The following RBPJ variants were observed in gnomAD, a reference collection of about 807,000 sequenced individuals.
The protein encoded by RBPJ is recombination signal binding protein for immunoglobulin kappa J region.
Under a neutral mutation model 67.8 loss-of-function variants are expected in RBPJ, and 9 were observed. The ratio of observed to expected loss-of-function variants is 0.13; its 90% CI spans 0.08 to 0.23. RBPJ has a LOEUF of 0.23. RBPJ is among the 10% of genes least tolerant of loss of function. The pLI, the probability that RBPJ is intolerant of heterozygous loss-of-function variation, is 1.00. For missense variants in RBPJ, 305 were observed against 595.6 expected (o/e 0.51, Z 5.08); for synonymous variants, 198 against 203.3 (o/e 0.97, Z 0.22).
At chr4:26,134,350 G>C in the RBPJ span, among the ~76,000 whole-genome samples, 1 of 152,132 alleles carries the variant, frequency 6.6e-6, no homozygotes, top group Admixed American at 6.5e-5. Flanking sequence ...GGAAGCTCTT[G>C]TTCAAAAGCT....
At chr4:26,417,135 A>G (rs1377965638) in intron 4 of RBPJ, among the ~76,000 whole-genome samples, 1 of 152,186 alleles carries the variant, frequency 6.6e-6, no homozygotes, top group Non-Finnish European at 1.5e-5. Flanking sequence ...GACATTCAGT[A>G]CTATGAATGA....
chr4:26,421,919 T>C (rs1735178276), intron 5 of RBPJ, among the ~76,000 whole-genome samples: 1 of 152,200 alleles, frequency 6.6e-6, no homozygotes, highest in Non-Finnish European at 1.5e-5. Flanking sequence ...TTGTTTTGTT[T>C]TACAGTGGTT....
intron 2 of RBPJ, among the ~76,000 whole-genome samples, chr4:26,394,318 C>T (rs147098771): frequency 9.9e-5 from 15 of 152,222 alleles, no homozygotes; most frequent in African/African-American, 3.6e-4. Context: ...TGAGCCACCA[C>T]GCCCAGCCTG....
intron 1 of RBPJ, among the ~76,000 whole-genome samples, chr4:26,379,282 C>G (rs2109592059): frequency 6.6e-6 from 1 of 152,022 alleles, no homozygotes; most frequent in East Asian, 1.9e-4. Flanking sequence ...TGGGCTCAAG[C>G]AATCCTCCCG....
intron 3 of RBPJ, among the ~76,000 whole-genome samples, chr4:26,408,079 C>T (rs116377659): frequency 7.1e-4 from 107 of 151,430 alleles, no homozygotes; most frequent in African/African-American, 2.3e-3. Context: ...TTCACTATGC[C>T]GTCCAGGCTG....
At chr4:26,376,271 A>G (rs191170429) in intron 1 of RBPJ, among the ~76,000 whole-genome samples, 1 of 152,314 alleles carries the variant, frequency 6.6e-6, no homozygotes, top group Admixed American at 6.5e-5. Flanking sequence ...TGCTCATTTA[A>G]CAATAACTCT....
chr4:26,246,824 G>A (rs1277887094), intron 1 of RBPJ, among the ~76,000 whole-genome samples: 2 of 152,066 alleles, frequency 1.3e-5, no homozygotes, highest in Non-Finnish European at 2.9e-5. Context: ...AACAGCTCAG[G>A]GCAGCTGAAA....
rs796962775 is a variant in RBPJ at position 26,343,773 on chromosome 4, G to A, written c.20+22725G>A. The stretch of plus-strand genomic sequence containing the variant: ...TTTTTTTTTTTTTTTTTTTTGTGAC[G>A]GAGGTTTGCTCTTCTTGCCCAGACT... On this transcript the variant is annotated intron_variant, in intron 1 of 10. Transcript: ENST00000355476. Among the ~76,000 whole-genome samples, 8 of 101,550 alleles carry A rather than the reference G, an allele frequency of 7.9e-5. No individual in the cohort carries two copies. In the South Asian group the frequency reaches 1.2e-3, roughly 16 times the overall value. 66.6% of individuals were successfully genotyped at this position (101,550 alleles called of 152,430 possible). A position where few individuals can be genotyped will look rare whatever the true frequency, so the allele number is the denominator to read the frequency against.
intron 1 of RBPJ, among the ~76,000 whole-genome samples, chr4:26,227,432 C>T (rs1238788366): frequency 6.6e-6 from 1 of 152,188 alleles, no homozygotes; most frequent in Non-Finnish European, 1.5e-5. Context: ...ATGTAAAGAG[C>T]TTGGCACATG....
Position 26,251,308 on chromosome 4 carries a change from A to G in RBPJ, c.-167+87694A>G, listed in dbSNP as rs137941355. 8.5e-4 allele frequency among the ~76,000 whole-genome samples: 130 copies of G among 152,252 alleles called. 1 individual carries two copies. In the East Asian group the frequency reaches 0.021, roughly 25 times the overall value. On this transcript the variant is annotated intron_variant, in intron 1 of 4. Coordinates refer to the RBPJ transcript ENST00000512351. ...TTTTTAAGTAGATAAAAGTGGTAGC[A>G]AAACTGGACCAGCACAGTAGCAAAA...
the RBPJ span, among the ~76,000 whole-genome samples, chr4:26,132,562 G>A: frequency 6.6e-6 from 1 of 152,062 alleles, no homozygotes; most frequent in African/African-American, 2.4e-5. Context: ...GGAGCCACTG[G>A]GACCACCTGC....
chr4:26,263,834 T>A (rs1202005147), intron 1 of RBPJ, among the ~76,000 whole-genome samples: 3 of 151,794 alleles, frequency 2.0e-5, no homozygotes, highest in Non-Finnish European at 4.4e-5. Flanking sequence ...TCTCCCAAAG[T>A]GCTGGGATTA....
chr4:26,202,369 C>T (rs906366552), intron 1 of RBPJ, among the ~76,000 whole-genome samples: 1 of 151,296 alleles, frequency 6.6e-6, no homozygotes, highest in African/African-American at 2.4e-5. Flanking sequence ...TGGCAATAGG[C>T]TGCCTACTTG....
intron 1 of RBPJ, among the ~76,000 whole-genome samples, chr4:26,259,671 G>C (rs1442140242): frequency 6.6e-6 from 1 of 152,200 alleles, no homozygotes; most frequent in Non-Finnish European, 1.5e-5. Flanking sequence ...CCTCAATTTT[G>C]TAGTCAGAAT....
the RBPJ span, among the ~76,000 whole-genome samples, chr4:26,149,020 C>T: frequency 6.6e-6 from 1 of 152,194 alleles, no homozygotes; most frequent in African/African-American, 2.4e-5. Flanking sequence ...TGAAGTCTCC[C>T]CACAACATGG....
intron 1 of RBPJ, among the ~76,000 whole-genome samples, chr4:26,258,994 G>A (rs1720441425): frequency 6.6e-6 from 1 of 151,938 alleles, no homozygotes; most frequent in Admixed American, 6.6e-5. Context: ...AGTAGAGATG[G>A]GGTTTCACCA....
intron 1 of RBPJ, among the ~76,000 whole-genome samples, chr4:26,171,063 A>T (rs894291162): frequency 4.6e-5 from 7 of 152,184 alleles, no homozygotes; most frequent in Admixed American, 3.9e-4. Flanking sequence ...TTAGACTTGG[A>T]GTCGAAGGAC....
intron 2 of RBPJ, among the ~76,000 whole-genome samples, chr4:26,395,322 C>A (rs994542059): frequency 6.6e-6 from 1 of 151,982 alleles, no homozygotes; most frequent in South Asian, 2.1e-4. Flanking sequence ...TGGTATTGCC[C>A]GCCTGTGGTC....
In RBPJ at chr4:26,342,413, T is replaced by C. The variant is rs78048673; in HGVS notation, c.20+21365T>C. On this transcript the variant is annotated intron_variant, in intron 1 of 10. Coordinates refer to ENST00000355476, the MANE Select transcript of RBPJ (RefSeq NM_015874.6). The stretch of plus-strand genomic sequence containing the variant: ...TTTACCTGCTAGTTGGTGGGAGAAA[T>C]GGAATTCAAACCTGTATCTCCAGAT... Among the ~76,000 whole-genome samples, 429 of 152,276 alleles carry C rather than the reference T, an allele frequency of 2.8e-3. 1 individual carries two copies. Among genetic ancestry groups the C allele is most frequent in the African/African-American group, 0.01 (417 of 41,562 alleles).
Sources: allele counts gnomAD v4.1 joint callset (sites outside exome capture counted in the v4.1 genomes callset), GRCh38; gene constraint gnomAD v4.1.1; transcripts MANE v1.5; gene names NCBI Gene and HGNC (gene_info 2026-07-23, HGNC 2026-07-21).